Variants in PCDH15 observed in about 807,000 individuals in gnomAD.
PCDH15 encodes the protein protocadherin related 15.
Under a neutral mutation model 178.5 loss-of-function variants are expected in PCDH15, and 129 were observed. The observed-to-expected ratio is 0.72, with a 90% CI of 0.63 to 0.84. PCDH15 has a LOEUF of 0.84. Among genes scored for constraint, PCDH15 ranks in the 40% least tolerant of loss-of-function variants. The pLI, the probability that PCDH15 is intolerant of heterozygous loss-of-function variation, is 0.00. For synonymous variants in PCDH15, 800 were observed against 732.0 expected (o/e 1.09, Z -1.50); for missense variants, 2,230 against 2,099.9 (o/e 1.06, Z -1.21).
intron 10 of PCDH15, among the ~76,000 whole-genome samples, chr10:54,208,103 T>G (rs995084267): frequency 6.6e-6 from 1 of 152,126 alleles, no homozygotes; most frequent in Admixed American, 6.6e-5. Context: ...AACACAAAAT[T>G]AAAATACGAA....
At chr10:54,222,883 G>A (rs1225413076) in intron 9 of PCDH15, among the ~76,000 whole-genome samples, 2 of 151,992 alleles carry the variant, frequency 1.3e-5, no homozygotes, top group African/African-American at 4.8e-5. Flanking sequence ...GATACATTTC[G>A]CAAATACATT....
At chr10:54,535,708 TC>T (rs1272393510) in intron 2 of PCDH15, among the ~76,000 whole-genome samples, 1 of 14,412 alleles carries the variant, frequency 6.9e-5, no homozygotes, top group Admixed American at 7.6e-4. Flanking sequence ...AGACTCCACC[TC>T]AAAAAAAAAA....
At chr10:54,279,944 T>A (rs1355418299) in intron 8 of PCDH15, among the ~76,000 whole-genome samples, 1 of 151,694 alleles carries the variant, frequency 6.6e-6, no homozygotes, top group Non-Finnish European at 1.5e-5. Context: ...CGTTAGCTCA[T>A]CAAAACTTGT....
At chr10:55,226,184 C>A (rs1469846372) in intron 1 of PCDH15, among the ~76,000 whole-genome samples, 1 of 151,944 alleles carries the variant, frequency 6.6e-6, no homozygotes, top group African/African-American at 2.4e-5. Context: ...AACTGGCAGC[C>A]AATAAATAGT....
At chr10:55,208,219 G>T (rs540723141) in intron 1 of PCDH15, among the ~76,000 whole-genome samples, 6 of 152,110 alleles carry the variant, frequency 3.9e-5, no homozygotes, top group African/African-American at 1.2e-4. Context: ...AACATTTGTT[G>T]CCCACTAAAT....
Position 55,557,848 on chromosome 10 carries a change from T to A in PCDH15, c.-156+69777A>T, listed in dbSNP as rs1323621810. Among the ~76,000 whole-genome samples the A allele has an allele frequency of 3.3e-5, 5 of 152,126 alleles. No individual in the cohort carries two copies. The East Asian group carries it at 9.6e-4, about 29-fold the overall frequency. On this transcript the variant is annotated intron_variant, in intron 2 of 5. Coordinates refer to the PCDH15 transcript ENST00000613346. ...AAAATACACTGACATATGGAAGTGG[T>A]AAAGAGTTTGGAGGTTTACTTAGTG...
chr10:54,848,379 T>C (rs1241861169), intron 3 of PCDH15, among the ~76,000 whole-genome samples: 6 of 56,970 alleles, frequency 1.1e-4, no homozygotes, highest in African/African-American at 1.6e-4. Flanking sequence ...CAAAACTCCA[T>C]CTCAAAAAAA....
At chr10:53,914,077 C>T (rs1253155505) in intron 25 of PCDH15, among the ~76,000 whole-genome samples, 1 of 152,152 alleles carries the variant, frequency 6.6e-6, no homozygotes, top group Non-Finnish European at 1.5e-5. Flanking sequence ...CCATCTCACA[C>T]CAGTTAGAAT....
intron 2 of PCDH15, among the ~76,000 whole-genome samples, chr10:54,979,788 G>A (rs1364534541): frequency 6.6e-6 from 1 of 151,586 alleles, no homozygotes; most frequent in Non-Finnish European, 1.5e-5. Context: ...AATCTTTTAT[G>A]GCTAAATATT....
At chr10:55,287,500 TA>T (rs761405984) in intron 1 of PCDH15, among the ~76,000 whole-genome samples, 4 of 151,968 alleles carry the variant, frequency 2.6e-5, no homozygotes, top group Non-Finnish European at 4.4e-5. Flanking sequence ...TTAATATTCA[TA>T]AAAAGAAAAG....
chr10:54,197,397 A>G (rs1234867440), intron 10 of PCDH15, among the ~76,000 whole-genome samples: 1 of 152,090 alleles, frequency 6.6e-6, no homozygotes, highest in Non-Finnish European at 1.5e-5. Context: ...ACTTCTGGAA[A>G]ATCTCCTCCA....
At chr10:55,550,148 TA>T (rs1484392715) in intron 2 of PCDH15, among the ~76,000 whole-genome samples, 6 of 152,218 alleles carry the variant, frequency 3.9e-5, no homozygotes, top group South Asian at 4.1e-4. Flanking sequence ...TATGACAGAA[TA>T]GGGGGAGAGG....
At chr10:54,572,870 G>A (rs962082431) in intron 2 of PCDH15, among the ~76,000 whole-genome samples, 1 of 152,104 alleles carries the variant, frequency 6.6e-6, no homozygotes, top group African/African-American at 2.4e-5. Context: ...TGTGTTTCTT[G>A]TATGTGGGAT....
intron 1 of PCDH15, among the ~76,000 whole-genome samples, chr10:54,762,006 A>G (rs549427749): frequency 6.6e-6 from 1 of 152,252 alleles, no homozygotes; most frequent in Admixed American, 6.5e-5. Context: ...CATAGAGTCC[A>G]TACCACTGAC....
chr10:55,586,526 C>G (rs1013973207), intron 2 of PCDH15, among the ~76,000 whole-genome samples: 2 of 151,932 alleles, frequency 1.3e-5, no homozygotes, highest in Non-Finnish European at 2.9e-5. Flanking sequence ...TGCAAAGATG[C>G]CAGGGAAATT....
intron 1 of PCDH15, among the ~76,000 whole-genome samples, chr10:55,238,221 C>T (rs921671683): frequency 6.8e-6 from 1 of 148,054 alleles, no homozygotes; most frequent in East Asian, 2.0e-4. Flanking sequence ...GCGATCTCGG[C>T]TCACTGCAAG....
intron 28 of PCDH15, among the ~76,000 whole-genome samples, chr10:53,852,058 T>C (rs2078418619): frequency 6.6e-6 from 1 of 152,062 alleles, no homozygotes; most frequent in Non-Finnish European, 1.5e-5. Flanking sequence ...AACTCGAGTT[T>C]ATAATTTTCA....
intron 6 of PCDH15, among the ~76,000 whole-genome samples, chr10:54,341,188 T>C (rs1942153737): frequency 6.6e-6 from 1 of 152,140 alleles, no homozygotes; most frequent in African/African-American, 2.4e-5. Flanking sequence ...ATCTAGTTGA[T>C]ATGGTTTGGC....
rs190065088 is a variant in PCDH15, at chr10:54,766,705, G to A, written c.-29+34220C>T. 5.2e-3 allele frequency among the ~76,000 whole-genome samples: 784 copies of A among 151,918 alleles called. 3 individuals are homozygous for A. Among genetic ancestry groups the A allele is most frequent in the Middle Eastern group, 0.01 (3 of 294 alleles). ...AGTACTTTGGGAGGCTGAGGCGGGC[G>A]GATCACAAGATCAGGAGATAGAGAC... is the stretch of plus-strand genomic sequence containing the variant. On this transcript the variant is annotated intron_variant, in intron 1 of 37. Coordinates refer to ENST00000644397, the MANE Select transcript of PCDH15 (RefSeq NM_001384140.1).
Sources: gnomAD v4.1 joint callset for allele counts (sites outside exome capture counted in the v4.1 genomes callset) on GRCh38, gnomAD v4.1.1 for gene constraint, MANE v1.5 for transcripts, NCBI Gene and HGNC (gene_info 2026-07-23, HGNC 2026-07-21) for gene names.